SLC27A1: variants seen among roughly 807,000 people sequenced by gnomAD.
The protein encoded by SLC27A1 is solute carrier family 27 member 1, also known as long-chain fatty acid transport protein 1.
Under a neutral mutation model 62.2 loss-of-function variants are expected in SLC27A1, and 61 were observed. The ratio of observed to expected loss-of-function variants is 0.98; its 90% CI spans 0.80 to 1.21. The LOEUF is 1.21. Ranked by LOEUF, SLC27A1 falls within the 50% of genes most tolerant of loss-of-function variation. The pLI is 0.00. For synonymous variants in SLC27A1, 435 were observed against 408.6 expected (o/e 1.06, Z -0.78); for missense variants, 903 against 932.1 (o/e 0.97, Z 0.41).
rs1160001094 is a variant in SLC27A1, at chr19:17,504,625, A to C, written c.*13A>C. On this transcript the variant is annotated 3_prime_UTR_variant, in exon 12 of 12. Coordinates refer to ENST00000252595, the MANE Select transcript of SLC27A1 (RefSeq NM_198580.3). ...CTTCGCCCTCTGAAGCTGTTCCTCTACTGGCCACAAACTCTGGGCCTGGTG... is the reference window on the plus strand; with the variant it reads ...CTTCGCCCTCTGAAGCTGTTCCTCTCCTGGCCACAAACTCTGGGCCTGGTG... 44 of 1,613,806 alleles carry C rather than the reference A, an allele frequency of 2.7e-5. No individual in the cohort carries two copies. The highest frequency in any genetic ancestry group is 3.6e-5 in the Non-Finnish European group (42 of 1,179,968).
chr19:17,490,631 G>A (rs189039528), intron 6 of SLC27A1, among the ~76,000 whole-genome samples: 2 of 152,062 alleles, frequency 1.3e-5, no homozygotes, highest in Non-Finnish European at 2.9e-5. Context: ...GCATCCCTCA[G>A]ACGGCATCAT....
intron 1 of SLC27A1, among the ~76,000 whole-genome samples, chr19:17,480,575 AGTTT>A (rs1447641749): frequency 7.7e-5 from 9 of 116,770 alleles, no homozygotes; most frequent in African/African-American, 3.0e-4. Flanking sequence ...ATGAGGTCTC[AGTTT>A]GTTGCCCAGG....
In SLC27A1 at chr19:17,488,663, A is replaced by G. The variant is rs2075262266; in HGVS notation, c.795-185A>G. 4.8e-6 allele frequency: 3 copies of G among 623,540 alleles called. No individual in the cohort carries two copies. The South Asian group carries it at 5.4e-5, about 11-fold the overall frequency. The allele number at this position is 623,540 out of a possible 1,614,324, so 38.6% of individuals were successfully genotyped here. A position where few individuals can be genotyped will look rare whatever the true frequency, so the allele number is the denominator to read the frequency against. On this transcript the variant is annotated intron_variant, in intron 4 of 11. Transcript: ENST00000252595. ...CCCCTCTATGCCCCTTGACCCTATT[A>G]TATCCCTCGTGACACCTAACACCAC...
At chr19:17,491,867 CT>C (rs935991689) in intron 6 of SLC27A1, among the ~76,000 whole-genome samples, 5 of 150,608 alleles carry the variant, frequency 3.3e-5, no homozygotes, top group African/African-American at 9.9e-5. Context: ...GAGCAAGCCC[CT>C]ATCTCAAAAA....
chr19:17,501,414 C>G lies in SLC27A1; in HGVS notation c.1778C>G (p.Thr593Ser). The stretch of plus-strand genomic sequence containing the variant: ...CTGCGCCTCCTGCCCCAGGTGGACA[C>G]CACAGGTGCGAGTCTCCCCCACTCC... ...IFLRLLPQVD[T>S]TGTFKIQKTR... The change falls in exon 11 of 12, where the codon ACC becomes AGC. Residue 593 changes from threonine (T) to serine (S), a missense_variant. Coordinates refer to ENST00000252595, the MANE Select transcript of SLC27A1 (RefSeq NM_198580.3). The G allele has an allele frequency of 6.2e-7, 1 of 1,612,736 alleles. No individual in the cohort carries two copies. The highest frequency in any genetic ancestry group is 8.5e-7 in the Non-Finnish European group (1 of 1,179,628).
intron 4 of SLC27A1, among the ~76,000 whole-genome samples, chr19:17,488,115 T>C (rs1022360491): frequency 8.5e-5 from 13 of 152,142 alleles, no homozygotes; most frequent in African/African-American, 2.7e-4. Flanking sequence ...CCCCAACACT[T>C]TGGGAGGCTG....
intron 1 of SLC27A1, among the ~76,000 whole-genome samples, chr19:17,482,479 C>T (rs760592294): frequency 6.6e-6 from 1 of 151,866 alleles, no homozygotes; most frequent in Non-Finnish European, 1.5e-5. Flanking sequence ...GGTGAAACCC[C>T]GTCTCTACTA....
chr19:17,489,093 C>A lies in SLC27A1; in HGVS notation c.972C>A (p.Asp324Glu). The A allele has an allele frequency of 6.2e-7, 1 of 1,614,118 alleles. No homozygotes were observed. The highest frequency in any genetic ancestry group is 8.5e-7 in the Non-Finnish European group (1 of 1,180,002). Reference protein sequence around the residue: ...RKKFSASRFWDDCIKYNCTVV... With the variant: ...RKKFSASRFWEDCIKYNCTVV... ...AATTCTCGGCCAGCCGCTTCTGGGACGACTGCATCAAGTACAACTGCACGG... is the reference window on the plus strand; with the variant it reads ...AATTCTCGGCCAGCCGCTTCTGGGAAGACTGCATCAAGTACAACTGCACGG... The change falls in exon 6 of 12, where the codon GAC (aspartate) becomes GAA (glutamate). Residue 324 changes from aspartate to glutamate, a missense_variant. Asp to Glu is a conservative substitution (Grantham distance 45, BLOSUM62 2). Coordinates refer to ENST00000252595, the MANE Select transcript of SLC27A1 (RefSeq NM_198580.3).
chr19:17,474,089 C>T (rs545249938), intron 1 of SLC27A1, among the ~76,000 whole-genome samples: 112 of 152,136 alleles, frequency 7.4e-4, no homozygotes, highest in Non-Finnish European at 1.1e-3. Flanking sequence ...ACTACAGATG[C>T]GTGCCACAAC....
Position 17,489,107 on chromosome 19 carries a change from A to ACGACTGCAT in SLC27A1, c.987_988insGACTGCATC (p.Tyr329_Asn330insAspCysIle). 6.2e-7 allele frequency: 1 copy of ACGACTGCAT among 1,614,046 alleles called. No homozygotes were observed. The highest frequency in any genetic ancestry group is 8.5e-7 in the Non-Finnish European group (1 of 1,179,968). On this transcript the variant is annotated inframe_insertion, in exon 6 of 12. Coordinates refer to ENST00000252595, the MANE Select transcript of SLC27A1 (RefSeq NM_198580.3). ...CGCTTCTGGGACGACTGCATCAAGT[A>ACGACTGCAT]CAACTGCACGGTCAGGCCCTGCCCT...
In SLC27A1 at chr19:17,494,888, G is replaced by A. The variant is rs371679108; in HGVS notation, c.997-2367G>A. ...GCTGCCAGAGATTTGCGCCCTATGC[G>A]GATGGCACATCTGGTCCTCACCGGT... On this transcript the variant is annotated intron_variant, in intron 6 of 11. Coordinates refer to ENST00000252595, the MANE Select transcript of SLC27A1 (RefSeq NM_198580.3). Among the ~76,000 whole-genome samples the A allele has an allele frequency of 1.4e-4, 22 of 151,804 alleles. No homozygotes were observed. The South Asian group carries it at 3.9e-3, about 27-fold the overall frequency.
Position 17,500,346 on chromosome 19 carries a change from T to C in SLC27A1, c.1275T>C (p.Asn425=), listed in dbSNP as rs1214911547. 1 of 1,614,142 alleles carries C rather than the reference T, an allele frequency of 6.2e-7. No homozygotes were observed. The highest frequency in any genetic ancestry group is 8.5e-7 in the Non-Finnish European group (1 of 1,180,010). The change falls in exon 8 of 12, where the codon AAT becomes AAC. Residue 425 remains asparagine, a synonymous_variant. Transcript: ENST00000252595. ...ACCCCATCCGGCTGGTGAAGGTCAA[T>C]GAGGACACAATGGAGCTGCTGCGGG... ...HVYPIRLVKV[N]EDTMELLRDA...
upstream of SLC27A1, chr19:17,470,406 C>T: frequency 9.0e-7 from 1 of 1,110,746 alleles, no homozygotes; most frequent in African/African-American, 1.7e-5. Flanking sequence ...GAGCGCGTTC[C>T]CGGACTCGCG....
chr19:17,496,986 G>A (rs938287759), intron 6 of SLC27A1: 4 of 399,086 alleles, frequency 1.0e-5, no homozygotes, highest in African/African-American at 6.4e-5. Context: ...TCATGCCACT[G>A]CACTCCAGCC....
chr19:17,488,049 G>A (rs899355063), intron 4 of SLC27A1, among the ~76,000 whole-genome samples: 3 of 152,056 alleles, frequency 2.0e-5, no homozygotes, highest in African/African-American at 4.8e-5. Flanking sequence ...TGCATCTACC[G>A]TGACCCTCAG....
At chr19:17,500,042 A>C in intron 7 of SLC27A1, 1 of 584,080 alleles carries the variant, frequency 1.7e-6, no homozygotes, top group Admixed American at 3.5e-5. Context: ...TGGATCAGGA[A>C]GTGGGTGCCA....
At chr19:17,475,203 T>G (rs1362432381) in intron 1 of SLC27A1, among the ~76,000 whole-genome samples, 1 of 152,178 alleles carries the variant, frequency 6.6e-6, no homozygotes, top group Admixed American at 6.6e-5. Flanking sequence ...GCTGAACCAC[T>G]GCGCCCAGCC....
At chr19:17,482,069 C>T (rs1188616600) in intron 1 of SLC27A1, among the ~76,000 whole-genome samples, 2 of 152,192 alleles carry the variant, frequency 1.3e-5, no homozygotes, top group African/African-American at 4.8e-5. Flanking sequence ...GTAGCAAGCT[C>T]TCTGTGCTCC....
intron 1 of SLC27A1, among the ~76,000 whole-genome samples, chr19:17,476,157 T>C (rs1779145210): frequency 1.3e-5 from 2 of 152,124 alleles, no homozygotes. Context: ...CCCATGGATG[T>C]AACATTTGTA....
Sources: allele counts gnomAD v4.1 joint callset (sites outside exome capture counted in the v4.1 genomes callset), GRCh38; gene constraint gnomAD v4.1.1; transcripts MANE v1.5; gene names NCBI Gene and HGNC (gene_info 2026-07-23, HGNC 2026-07-21).